The following KIAA2012 variants were observed in gnomAD, a reference collection of about 807,000 sequenced individuals.
KIAA2012 encodes uncharacterized protein KIAA2012.
KIAA2012 carries 125 observed loss-of-function variants against 150.6 expected under a neutral mutation model. That is an observed-to-expected ratio of 0.83 (90% CI 0.72 to 0.96). KIAA2012 has a LOEUF of 0.96. Among genes scored for constraint, KIAA2012 ranks in the 40% least tolerant of loss-of-function variants. The pLI, the probability that KIAA2012 is intolerant of heterozygous loss-of-function variation, is 0.00. For synonymous variants in KIAA2012, 462 were observed against 504.7 expected, an observed-to-expected ratio of 0.92 and a Z score of 1.13; for missense variants, 1,219 against 1,354.9, an observed-to-expected ratio of 0.90 and a Z score of 1.57.
intron 1 of KIAA2012, 70 bp downstream of exon 1, chr2:202,073,781 A>T: frequency 7.3e-7 from 1 of 1,368,900 alleles, no homozygotes. Flanking sequence ...TCCACTTGGG[A>T]GGTAAACCAT....
intron 23 of KIAA2012, among the ~76,000 whole-genome samples, chr2:202,204,130 G>A (rs1692591427): frequency 6.7e-6 from 1 of 148,500 alleles, no homozygotes; most frequent in Non-Finnish European, 1.5e-5. Flanking sequence ...AAACTAGAGT[G>A]CAGTGGCGCC....
chr2:202,153,983 ATG>A, intron 13 of KIAA2012, among the ~76,000 whole-genome samples: 1 of 152,270 alleles, frequency 6.6e-6, no homozygotes, highest in Admixed American at 6.5e-5. Context: ...CCAGGTTGCA[ATG>A]TGGGGCATGG....
intron 11 of KIAA2012, chr2:202,116,311 T>C (rs1690520582): frequency 6.6e-6 from 1 of 152,156 alleles, no homozygotes; most frequent in Non-Finnish European, 1.5e-5. Context: ...TTGGGTGTTT[T>C]TTGTTTTTTT....
intron 17 of KIAA2012, among the ~76,000 whole-genome samples, chr2:202,187,684 G>A (rs1249913039): frequency 6.6e-6 from 1 of 152,204 alleles, no homozygotes; most frequent in Non-Finnish European, 1.5e-5. Flanking sequence ...AGGAACCACT[G>A]TGTTATTCTA....
intron 12 of KIAA2012, among the ~76,000 whole-genome samples, chr2:202,128,095 G>A (rs1282745916): frequency 1.3e-5 from 2 of 151,704 alleles, no homozygotes; most frequent in East Asian, 3.9e-4. Context: ...CCCCACAAAG[G>A]TTTTTCCACT....
chr2:202,097,735 A>C (rs1689929636), intron 5 of KIAA2012, among the ~76,000 whole-genome samples, 158 bp downstream of exon 5: 1 of 151,958 alleles, frequency 6.6e-6, no homozygotes, highest in Non-Finnish European at 1.5e-5. Context: ...GACTACAGGT[A>C]AGCACCTCCA....
rs2105744179 is a variant in KIAA2012 at position 202,187,083 on chromosome 2, A to G, written c.2361A>G (p.Ser787=). ...AEPRLFSQET[S]ANISHERDLI... is the part of the protein sequence containing the mutation. ...CAAGACTGTTTAGCCAGGAGACATC[A>G]GCCAACATCAGTCATGTGAGTGTAA... Residue 787 remains serine (S), a synonymous_variant, in exon 17 of 24, where the codon TCA becomes TCG. Transcript: ENST00000498697. 1 of 1,550,608 alleles carries G rather than the reference A, an allele frequency of 6.4e-7. No homozygotes were observed. Among genetic ancestry groups the G allele is most frequent in the African/African-American group, 1.4e-5 (1 of 73,170 alleles).
intron 15 of KIAA2012, among the ~76,000 whole-genome samples, chr2:202,184,474 G>T (rs1477220438): frequency 6.6e-6 from 1 of 151,956 alleles, no homozygotes; most frequent in African/African-American, 2.4e-5. Flanking sequence ...ATAAATACCA[G>T]GAGTGAGATT....
intron 22 of KIAA2012, among the ~76,000 whole-genome samples, chr2:202,200,601 C>T (rs1007910643): frequency 1.4e-5 from 2 of 147,952 alleles, no homozygotes; most frequent in African/African-American, 4.9e-5. Context: ...ATGGGTGGGG[C>T]AAGGGATGTA....
intron 2 of KIAA2012, among the ~76,000 whole-genome samples, chr2:202,086,181 A>AG: frequency 6.6e-6 from 1 of 150,800 alleles, no homozygotes. Context: ...AAAAAAAAAA[A>AG]AAAAAGAAAG....
At chr2:202,084,558 A>G (rs1689520153) in intron 2 of KIAA2012, among the ~76,000 whole-genome samples, 1 of 152,200 alleles carries the variant, frequency 6.6e-6, no homozygotes, top group Non-Finnish European at 1.5e-5. Context: ...ATTGATTGGC[A>G]AAGCCGAGGC....
intron 13 of KIAA2012, among the ~76,000 whole-genome samples, chr2:202,153,249 T>G (rs914673861): frequency 1.3e-5 from 2 of 152,272 alleles, no homozygotes; most frequent in South Asian, 4.1e-4. Context: ...TTCAGGGGGC[T>G]TCCAGTCTAG....
chr2:202,124,176 A>G lies in KIAA2012; in HGVS notation c.1763-1038A>G, dbSNP rs115634921. 3.3e-3 allele frequency among the ~76,000 whole-genome samples: 498 copies of G among 152,322 alleles called. 2 individuals are homozygous for G. Among genetic ancestry groups the G allele is most frequent in the African/African-American group, 0.011 (462 of 41,562 alleles). ...CCATTGCACTCCAGCCTGGTGACAG[A>G]GCGAAACTCTATCTCAAAAAATAAA... On this transcript the variant is annotated intron_variant, in intron 11 of 23. Coordinates refer to ENST00000498697, the MANE Select transcript of KIAA2012 (RefSeq NM_001277372.4).
At chr2:202,083,430 T>G (rs1303964259) in intron 2 of KIAA2012, among the ~76,000 whole-genome samples, 1 of 136,168 alleles carries the variant, frequency 7.3e-6, no homozygotes, top group African/African-American at 2.7e-5. Context: ...CAAGGCTGGC[T>G]CCAGTCACAC....
chr2:202,184,678 A>G, intron 15 of KIAA2012, 75 bp from the exon 16 acceptor site: 1 of 990,624 alleles, frequency 1.0e-6, no homozygotes, highest in South Asian at 1.9e-5. Flanking sequence ...CACCAGGTAG[A>G]TGTTTTTCCA....
At chr2:202,125,935 CTTTTTTTT>C (rs571686717) in intron 12 of KIAA2012, 7,846 of 135,770 alleles carry the variant, frequency 0.058, 113 homozygotes, top group South Asian at 0.084. Context: ...TTCCTGGCTG[CTTTTTTTT>C]TTTTTTTTTT....
chr2:202,113,459 A>G lies in KIAA2012; in HGVS notation c.1762+13A>G, dbSNP rs1690434845. On this transcript the variant is annotated intron_variant, in intron 11 of 23. Coordinates refer to ENST00000498697, the MANE Select transcript of KIAA2012 (RefSeq NM_001277372.4). The stretch of plus-strand genomic sequence containing the variant: ...CCATCGGGTAAAGGTAAGCTAACAC[A>G]TTCCAGGGCAGCCTTGTTTTTTTTT... 2.7e-6 allele frequency: 4 copies of G among 1,491,514 alleles called. No individual in the cohort carries two copies. Among genetic ancestry groups the G allele is most frequent in the East Asian group, 2.5e-5 (1 of 40,610 alleles). The allele number at this position is 1,491,514 out of a possible 1,614,324, so 92.4% of individuals were successfully genotyped here.
chr2:202,201,349 T>C, intron 22 of KIAA2012: 1 of 1,585,566 alleles, frequency 6.3e-7, no homozygotes, highest in Non-Finnish European at 8.7e-7. Flanking sequence ...GTATGTGATG[T>C]CTTTCCCGGC....
intron 15 of KIAA2012, among the ~76,000 whole-genome samples, chr2:202,177,917 G>C (rs1308830606): frequency 2.6e-5 from 4 of 152,192 alleles, no homozygotes; most frequent in African/African-American, 9.7e-5. Context: ...GCATGACTTA[G>C]GCTGGGCACA....
Sources: allele counts gnomAD v4.1 joint callset (sites outside exome capture counted in the v4.1 genomes callset), GRCh38; gene constraint gnomAD v4.1.1; transcripts MANE v1.5; gene names NCBI Gene and HGNC (gene_info 2026-07-23, HGNC 2026-07-21).